Variants in GNG12 observed in about 807,000 individuals in gnomAD.
GNG12 encodes the protein G protein subunit gamma 12, also known as guanine nucleotide-binding protein G(I)/G(S)/G(O) subunit gamma-12.
For synonymous variants in GNG12, 28 were observed against 29.7 expected, an observed-to-expected ratio of 0.94 and a Z score of 0.19; for missense variants, 69 against 83.8, an observed-to-expected ratio of 0.82 and a Z score of 0.69.
intron 2 of GNG12, among the ~76,000 whole-genome samples, chr1:67,748,915 T>G (rs574465517): frequency 6.6e-6 from 1 of 152,076 alleles, no homozygotes; most frequent in South Asian, 2.1e-4. Flanking sequence ...CCATAACACA[T>G]GTGAAGTCCA....
chr1:67,831,185 A>G (rs1214909699), intron 1 of GNG12, among the ~76,000 whole-genome samples: 2 of 152,236 alleles, frequency 1.3e-5, no homozygotes, highest in African/African-American at 4.8e-5. Flanking sequence ...TTAAGCTGAC[A>G]TAAAACTCCA....
chr1:67,740,738 A>G (rs547328538), intron 2 of GNG12, among the ~76,000 whole-genome samples: 1 of 152,218 alleles, frequency 6.6e-6, no homozygotes, highest in Non-Finnish European at 1.5e-5. Flanking sequence ...TAATGCCCTT[A>G]TAAAGCAGGT....
At chr1:67,787,071 A>G (rs927713181) in intron 1 of GNG12, among the ~76,000 whole-genome samples, 303 of 57,972 alleles carry the variant, frequency 5.2e-3, no homozygotes, top group East Asian at 0.015. Flanking sequence ...GTGTGTGTGT[A>G]TAGTCCCCCT....
At chr1:67,758,948 TA>T (rs1646586061) in intron 2 of GNG12, among the ~76,000 whole-genome samples, 1 of 152,066 alleles carries the variant, frequency 6.6e-6, no homozygotes, top group Non-Finnish European at 1.5e-5. Flanking sequence ...GGAGAAAGAA[TA>T]AGTTTTAGTA....
intron 2 of GNG12, among the ~76,000 whole-genome samples, chr1:67,758,650 T>G (rs551301565): frequency 6.6e-6 from 1 of 152,084 alleles, no homozygotes; most frequent in East Asian, 1.9e-4. Context: ...AAAGATGAGG[T>G]TGGATACAAC....
At chr1:67,751,204 CACACACACGTGCATAT>C (rs981668220) in intron 2 of GNG12, among the ~76,000 whole-genome samples, 6 of 151,650 alleles carry the variant, frequency 4.0e-5, no homozygotes, top group Non-Finnish European at 5.9e-5. Flanking sequence ...CACACACACA[CACACACACGTGCATAT>C]ACACACACGT....
intron 1 of GNG12, among the ~76,000 whole-genome samples, chr1:67,808,050 C>A (rs115573781): frequency 0.017 from 2,606 of 152,020 alleles, 75 homozygotes; most frequent in African/African-American, 0.06. Flanking sequence ...ATGCAAAAAT[C>A]CTCAATAAAG....
intron 2 of GNG12, among the ~76,000 whole-genome samples, chr1:67,763,607 T>C (rs1646619293): frequency 6.6e-6 from 1 of 151,650 alleles, no homozygotes. Flanking sequence ...ATCACATAGC[T>C]CTACAGCCTC....
intron 2 of GNG12, among the ~76,000 whole-genome samples, chr1:67,744,548 C>T (rs1646498280): frequency 6.6e-6 from 1 of 152,116 alleles, no homozygotes; most frequent in Non-Finnish European, 1.5e-5. Context: ...CAGAGAGGGC[C>T]CACGTCTTAG....
chr1:67,744,369 G>A (rs1646497571), intron 2 of GNG12, among the ~76,000 whole-genome samples: 1 of 152,132 alleles, frequency 6.6e-6, no homozygotes, highest in Non-Finnish European at 1.5e-5. Flanking sequence ...ACTGCTGTCC[G>A]CAACTCCAGA....
At position 67,727,829 on chromosome 1, in the gene GNG12, G is replaced by A. The variant is rs141075606; in HGVS notation, c.-26-20117C>T. On this transcript the variant is annotated intron_variant, in intron 2 of 3. Coordinates refer to ENST00000370982, the MANE Select transcript of GNG12 (RefSeq NM_018841.6). ...CTTAATTTTATTTGCATTTCTACTT[G>A]TGGTCTTGCATGAACCTGTTGAATT... is the stretch of plus-strand genomic sequence containing the variant. Among the ~76,000 whole-genome samples the A allele has an allele frequency of 2.6e-5, 4 of 152,272 alleles. No homozygotes were observed. In the East Asian group the frequency reaches 7.7e-4, roughly 29 times the overall value.
chr1:67,825,886 C>A (rs189989301), intron 1 of GNG12, among the ~76,000 whole-genome samples: 28 of 152,314 alleles, frequency 1.8e-4, no homozygotes, highest in Middle Eastern at 6.8e-3. Context: ...TAAACAATGT[C>A]AACAGCACCC....
chr1:67,724,240 C>G (rs1394875739), intron 2 of GNG12, among the ~76,000 whole-genome samples: 2 of 151,938 alleles, frequency 1.3e-5, no homozygotes, highest in East Asian at 3.9e-4. Context: ...GGACTGCGCT[C>G]AGAAATTGGT....
At chr1:67,763,376 CTGAG>C (rs1281192449) in intron 2 of GNG12, among the ~76,000 whole-genome samples, 1 of 152,092 alleles carries the variant, frequency 6.6e-6, no homozygotes, top group Admixed American at 6.6e-5. Flanking sequence ...GGCATGCTTC[CTGAG>C]TATGTCTTGG....
At chr1:67,711,972 T>TGGCTGCACAAAGAGGGCCA (rs1646298130) in intron 2 of GNG12, among the ~76,000 whole-genome samples, 1 of 152,194 alleles carries the variant, frequency 6.6e-6, no homozygotes, top group East Asian at 1.9e-4. Flanking sequence ...AGTTGCCACA[T>TGGCTGCACAAAGAGGGCCA]GGCTGCACAA....
At chr1:67,739,690 CAG>C (rs1646471993) in intron 2 of GNG12, among the ~76,000 whole-genome samples, 1 of 152,238 alleles carries the variant, frequency 6.6e-6, no homozygotes, top group African/African-American at 2.4e-5. Context: ...AGATGAACTT[CAG>C]GGTTGAGGGA....
At chr1:67,751,144 T>G (rs1328118077) in intron 2 of GNG12, among the ~76,000 whole-genome samples, 1 of 140,450 alleles carries the variant, frequency 7.1e-6, no homozygotes, top group East Asian at 2.5e-4. Context: ...CATCCACTCA[T>G]AGTCTACCAG....
chr1:67,830,799 C>T (rs1410718444), intron 1 of GNG12, among the ~76,000 whole-genome samples: 2 of 152,190 alleles, frequency 1.3e-5, no homozygotes, highest in African/African-American at 4.8e-5. Context: ...CAGTTACTTT[C>T]TGTAGAATTT....
chr1:67,709,948 AG>A (rs1182619775), intron 2 of GNG12, among the ~76,000 whole-genome samples: 6 of 24,388 alleles, frequency 2.5e-4, no homozygotes, highest in Non-Finnish European at 3.6e-4. Context: ...ATATATATAT[AG>A]TTATATATAT....
Sources: allele counts gnomAD v4.1 joint callset (sites outside exome capture counted in the v4.1 genomes callset), GRCh38; gene constraint gnomAD v4.1.1; transcripts MANE v1.5; gene names NCBI Gene and HGNC (gene_info 2026-07-23, HGNC 2026-07-21).